LRRC8A: variants seen among roughly 807,000 people sequenced by gnomAD.
LRRC8A encodes leucine rich repeat containing 8 VRAC subunit A, also known as volume-regulated anion channel subunit LRRC8A.
A neutral mutation model predicts 52.5 loss-of-function variants in LRRC8A; 24 were observed. That is an observed-to-expected ratio of 0.46 (90% confidence interval 0.33 to 0.64). The LOEUF (loss-of-function observed/expected upper bound fraction) is 0.64. Ranked by LOEUF, LRRC8A falls within the 30% of genes least tolerant of loss-of-function variation. The pLI is 0.02. For missense variants in LRRC8A, 677 were observed against 1,094.7 expected (o/e 0.62, Z 5.38); for synonymous variants, 492 against 494.2 (o/e 1.00, Z 0.06).
At chr9:128,889,829 A>C (rs917692905) in intron 2 of LRRC8A, among the ~76,000 whole-genome samples, 4 of 150,142 alleles carry the variant, frequency 2.7e-5, no homozygotes, top group Non-Finnish European at 5.9e-5. Context: ...TTGAGATGGA[A>C]TCCTGCTCTG....
At chr9:128,915,467 G>C (rs963251023) in intron 3 of LRRC8A, among the ~76,000 whole-genome samples, 42 of 152,302 alleles carry the variant, frequency 2.8e-4, no homozygotes, top group African/African-American at 1.0e-3. Flanking sequence ...TGGGACTACA[G>C]GCGCCCGGCA....
At chr9:128,890,833 C>T (rs965701593) in intron 2 of LRRC8A, among the ~76,000 whole-genome samples, 2 of 152,132 alleles carry the variant, frequency 1.3e-5, no homozygotes, top group African/African-American at 2.4e-5. Context: ...CGTGTGTGGC[C>T]GTGACTCCAT....
chr9:128,889,687 G>A (rs9409309), intron 2 of LRRC8A, among the ~76,000 whole-genome samples: 79,355 of 151,460 alleles, frequency 0.52, 24,999 homozygotes, highest in Admixed American at 0.68. Context: ...TAGAGACGGG[G>A]TGTCACCATA....
In LRRC8A at chr9:128,917,889, C is replaced by T. The variant is rs1221774971; in HGVS notation, c.*1518C>T. On this transcript the variant is annotated 3_prime_UTR_variant, in exon 4 of 4. Coordinates refer to ENST00000372600, the MANE Select transcript of LRRC8A (RefSeq NM_019594.4). ...TAATGATTATGTCCATCCGTCTGTC[C>T]GTCCATTTGTGTTTTCTGCGTCGTG... 1.4e-4 allele frequency: 21 copies of T among 152,670 alleles called. No homozygotes were observed. The highest frequency in any genetic ancestry group is 1.0e-3 in the Admixed American group (16 of 15,286). The allele number at this position is 152,670 out of a possible 1,614,324, so 9.5% of individuals were successfully genotyped here.
intron 2 of LRRC8A, among the ~76,000 whole-genome samples, chr9:128,886,587 G>A (rs2130928929): frequency 6.6e-6 from 1 of 152,322 alleles, no homozygotes; most frequent in African/African-American, 2.4e-5. Context: ...TCACGATAAG[G>A]GAGCTAGCGA....
chr9:128,893,175 G>T (rs1042708452), intron 2 of LRRC8A, among the ~76,000 whole-genome samples: 6 of 152,252 alleles, frequency 3.9e-5, no homozygotes, highest in Middle Eastern at 6.8e-3. Context: ...GCCTGGGAGG[G>T]TCTCTGAGTG....
intron 3 of LRRC8A, among the ~76,000 whole-genome samples, chr9:128,914,603 G>C (rs1381670625): frequency 6.6e-6 from 1 of 152,114 alleles, no homozygotes. Flanking sequence ...TCATCTCTCT[G>C]GGCCTCAGTC....
rs1220848224 is a variant in LRRC8A, at chr9:128,916,278, G to A, written c.2340G>A (p.Lys780=). Residue 780 remains lysine, a synonymous_variant, in exon 4 of 4, where the codon AAG becomes AAA. Coordinates refer to ENST00000372600, the MANE Select transcript of LRRC8A (RefSeq NM_019594.4). This position sits in a 1 kb window ranked among gnomAD's most constrained non-coding sequence, Gnocchi z 6.1. ...PVELGECPLL[K]RSGLVVEEDL... ...AGCTGGGCGAGTGCCCACTGCTCAA[G>A]CGCAGCGGCTTGGTGGTGGAGGAGG... is the stretch of plus-strand genomic sequence containing the variant. 4 of 1,613,660 alleles carry A rather than the reference G, an allele frequency of 2.5e-6. No homozygotes were observed. Among genetic ancestry groups the A allele is most frequent in the Non-Finnish European group, 2.5e-6 (3 of 1,179,974 alleles).
chr9:128,900,622 C>T (rs1410596342), intron 2 of LRRC8A, among the ~76,000 whole-genome samples: 3 of 151,938 alleles, frequency 2.0e-5, no homozygotes, highest in Admixed American at 6.6e-5. Context: ...GGAGGAGAAT[C>T]GTTTGAACCC....
intron 2 of LRRC8A, among the ~76,000 whole-genome samples, chr9:128,895,640 T>C (rs1839794293): frequency 6.6e-6 from 1 of 152,200 alleles, no homozygotes; most frequent in African/African-American, 2.4e-5. Flanking sequence ...CTGTTCTGCA[T>C]GATGCCCACT....
chr9:128,914,539 G>A (rs1015899453), intron 3 of LRRC8A, among the ~76,000 whole-genome samples: 9 of 152,220 alleles, frequency 5.9e-5, no homozygotes, highest in South Asian at 2.1e-4. Context: ...GAAATAAGAC[G>A]TACATCCTCT....
rs148618660 is a variant in LRRC8A, at chr9:128,915,737, G to A, written c.2158-359G>A. Among the ~76,000 whole-genome samples the A allele has an allele frequency of 8.5e-3, 1,290 of 152,322 alleles. 9 individuals carry two copies. Among genetic ancestry groups the A allele is most frequent in the South Asian group, 0.04 (195 of 4,822 alleles). On this transcript the variant is annotated intron_variant, in intron 3 of 3. Coordinates refer to ENST00000372600, the MANE Select transcript of LRRC8A (RefSeq NM_019594.4). ...CCTGGGATGGAGGTGGGAGCAGCTG[G>A]CCAATGCGATATACTTCCCAGGGCC...
At position 128,908,376 on chromosome 9, in the gene LRRC8A, G is replaced by A. The variant is rs1299944243; in HGVS notation, c.1212G>A (p.Gln404=). Reference sequence around the variant, plus strand: ...AGGTGAGTGAGAACAAGCTGCGGCAGCTGAACCTCAACAACGAGTGGACGC... The same window carrying A: ...AGGTGAGTGAGAACAAGCTGCGGCAACTGAACCTCAACAACGAGTGGACGC... The part of the protein sequence containing the change: ...LSEVSENKLR[Q]LNLNNEWTLD... Residue 404 remains glutamine (Q), a synonymous_variant, in exon 3 of 4, where the codon CAG becomes CAA. Coordinates refer to ENST00000372600, the MANE Select transcript of LRRC8A (RefSeq NM_019594.4). 1.9e-6 allele frequency: 3 copies of A among 1,613,820 alleles called. No homozygotes were observed. The highest frequency in any genetic ancestry group is 2.5e-6 in the Non-Finnish European group (3 of 1,180,042).
Position 128,908,145 on chromosome 9 carries a change from C to T in LRRC8A, c.981C>T (p.Ser327=). The T allele has an allele frequency of 6.2e-7, 1 of 1,614,032 alleles. No homozygotes were observed. Among genetic ancestry groups the T allele is most frequent in the Non-Finnish European group, 8.5e-7 (1 of 1,180,040 alleles). ...AGATCCTGGCGTCCTTCTACATCAG[C>T]CTAGTCATCTTCTACGGCCTCATCT... is the stretch of plus-strand genomic sequence containing the variant. ...LFKILASFYI[S]LVIFYGLICM... Residue 327 remains serine (S), a synonymous_variant, in exon 3 of 4, where the codon AGC becomes AGT. Transcript: ENST00000372600.
At chr9:128,883,737 G>A (rs1839252555) in intron 1 of LRRC8A, among the ~76,000 whole-genome samples, 1 of 152,196 alleles carries the variant, frequency 6.6e-6, no homozygotes, top group South Asian at 2.1e-4. Context: ...CACGTTGGGA[G>A]GCTGAAGCGG....
At chr9:128,897,025 T>C (rs1839847388) in intron 2 of LRRC8A, among the ~76,000 whole-genome samples, 1 of 152,034 alleles carries the variant, frequency 6.6e-6, no homozygotes, top group Non-Finnish European at 1.5e-5. Context: ...TGCCCGGCTG[T>C]ATTCTGGATA....
chr9:128,911,095 A>T lies in LRRC8A; in HGVS notation c.2157+1774A>T, dbSNP rs537649382. 1.1e-3 allele frequency among the ~76,000 whole-genome samples: 167 copies of T among 151,874 alleles called. 1 individual carries two copies. Among genetic ancestry groups the T allele is most frequent in the Non-Finnish European group, 2.2e-3 (147 of 67,912 alleles). ...GGCCCCTGGAATGCCCGGTCTGTCT[A>T]TAGTATCCTCAGGCACGGAGGGAGG... On this transcript the variant is annotated intron_variant, in intron 3 of 3. Transcript: ENST00000372600. This position sits in a 1 kb window ranked among gnomAD's most constrained non-coding sequence, Gnocchi z 4.9.
At chr9:128,914,737 A>T (rs1310218046) in intron 3 of LRRC8A, among the ~76,000 whole-genome samples, 28 of 152,168 alleles carry the variant, frequency 1.8e-4, no homozygotes, top group Non-Finnish European at 4.1e-4. Context: ...TGCCCATCCC[A>T]TCTGAAGGAG....
Position 128,909,186 on chromosome 9 carries a change from C to G in LRRC8A, c.2022C>G (p.Ile674Met). 6.2e-7 allele frequency: 1 copy of G among 1,614,152 alleles called. No individual in the cohort carries two copies. The highest frequency in any genetic ancestry group is 8.5e-7 in the Non-Finnish European group (1 of 1,180,044). Residue 674 changes from isoleucine to methionine, a missense_variant, in exon 3 of 4, where the codon ATC (isoleucine) becomes ATG (methionine). Ile to Met is a conservative substitution (Grantham distance 10). This residue lies in a region of LRRC8A where 169 missense variants were observed against 217.6 expected (regional missense o/e 0.78). Coordinates refer to ENST00000372600, the MANE Select transcript of LRRC8A (RefSeq NM_019594.4). ...GCCTCTACCTGAACCGCAACAAGATCGAGAAGATCCCCACCCAGCTCTTCT... is the reference window on the plus strand; with the variant it reads ...GCCTCTACCTGAACCGCAACAAGATGGAGAAGATCCCCACCCAGCTCTTCT... ...LERLYLNRNK[I>M]EKIPTQLFYC...
Sources: allele counts gnomAD v4.1 joint callset (sites outside exome capture counted in the v4.1 genomes callset), GRCh38; gene constraint gnomAD v4.1.1; regional missense constraint gnomAD v4.1.1; non-coding constraint Gnocchi (gnomAD v3.1); transcripts MANE v1.5; gene names NCBI Gene and HGNC (gene_info 2026-07-23, HGNC 2026-07-21).